Variants in FAM178B observed in about 807,000 individuals in gnomAD.
FAM178B encodes protein FAM178B.
FAM178B carries 82 observed loss-of-function variants against 91.7 expected under a neutral mutation model. That is an observed-to-expected ratio of 0.89 (90% CI 0.75 to 1.07). FAM178B has a LOEUF of 1.07. Ranked by LOEUF, FAM178B falls within the 50% of genes least tolerant of loss-of-function variation. The pLI is 0.00. For missense variants in FAM178B, 769 were observed against 846.7 expected, an observed-to-expected ratio of 0.91 and a Z score of 1.14; for synonymous variants, 368 against 359.4, an observed-to-expected ratio of 1.02 and a Z score of -0.27.
chr2:96,983,272 C>T (rs1267733058), intron 1 of FAM178B, among the ~76,000 whole-genome samples: 1 of 152,064 alleles, frequency 6.6e-6, no homozygotes, highest in Non-Finnish European at 1.5e-5. Flanking sequence ...CATATATATA[C>T]ACATATACAT....
chr2:96,918,947 C>T (rs1170980652), intron 12 of FAM178B, among the ~76,000 whole-genome samples: 1 of 152,210 alleles, frequency 6.6e-6, no homozygotes, highest in Non-Finnish European at 1.5e-5. Context: ...CACGTACCCA[C>T]GGCTTGCTCA....
At chr2:96,876,819 G>A (rs1363533952) in intron 16 of FAM178B, among the ~76,000 whole-genome samples, 1 of 152,070 alleles carries the variant, frequency 6.6e-6, no homozygotes, top group African/African-American at 2.4e-5. Context: ...AGGACTGGGG[G>A]CTCAGGAAGG....
chr2:96,934,788 T>C (rs1165241038), intron 8 of FAM178B, among the ~76,000 whole-genome samples: 1 of 152,188 alleles, frequency 6.6e-6, no homozygotes, highest in Admixed American at 6.5e-5. Context: ...GTTTCTTCTC[T>C]ACCCTGCAGC....
chr2:96,974,210 A>G (rs2082259744), intron 1 of FAM178B, among the ~76,000 whole-genome samples: 1 of 150,816 alleles, frequency 6.6e-6, no homozygotes, highest in Admixed American at 6.6e-5. Flanking sequence ...GTGAAACCCC[A>G]TCTCCACTAA....
At chr2:96,909,517 C>T (rs1423132027) in intron 12 of FAM178B, among the ~76,000 whole-genome samples, 1 of 152,140 alleles carries the variant, frequency 6.6e-6, no homozygotes, top group Non-Finnish European at 1.5e-5. Flanking sequence ...CTTTTTGTAT[C>T]TTTTTTTGCC....
intron 7 of FAM178B, among the ~76,000 whole-genome samples, chr2:96,950,972 G>A (rs2081916513): frequency 6.6e-6 from 1 of 152,156 alleles, no homozygotes; most frequent in Non-Finnish European, 1.5e-5. Flanking sequence ...GTGATCGCTG[G>A]TGAAGAAATT....
intron 12 of FAM178B, among the ~76,000 whole-genome samples, chr2:96,919,555 C>T (rs528152319): frequency 1.1e-4 from 16 of 152,240 alleles, no homozygotes; most frequent in South Asian, 6.2e-4. Flanking sequence ...GATTTAGGGA[C>T]GAAAGGGGTA....
chr2:96,942,962 T>C (rs1480704932), intron 8 of FAM178B, among the ~76,000 whole-genome samples: 1 of 152,200 alleles, frequency 6.6e-6, no homozygotes, highest in African/African-American at 2.4e-5. Context: ...AGAACCAAGC[T>C]AGACTCCTGT....
intron 12 of FAM178B, among the ~76,000 whole-genome samples, chr2:96,909,142 CAAA>C (rs368745154): frequency 9.0e-5 from 7 of 77,394 alleles, no homozygotes; most frequent in Non-Finnish European, 1.1e-4. Flanking sequence ...GACTCTGTCT[CAAA>C]AAAAAAAAAA....
intron 14 of FAM178B, among the ~76,000 whole-genome samples, chr2:96,887,058 CA>C (rs2080542340): frequency 6.6e-6 from 1 of 151,932 alleles, no homozygotes; most frequent in Non-Finnish European, 1.5e-5. Flanking sequence ...ACTAAAAATA[CA>C]AAAAAATTAG....
At chr2:96,914,542 T>C (rs965169527) in intron 12 of FAM178B, among the ~76,000 whole-genome samples, 2 of 152,224 alleles carry the variant, frequency 1.3e-5, no homozygotes, top group African/African-American at 2.4e-5. Context: ...ATGACAGTTC[T>C]TTTATGGTTC....
chr2:96,911,298 G>A (rs1043715603), intron 12 of FAM178B, among the ~76,000 whole-genome samples: 5 of 152,184 alleles, frequency 3.3e-5, no homozygotes, highest in African/African-American at 7.2e-5. Context: ...TGCCTTGGCC[G>A]GAGCCTCGTC....
rs202100606 is a variant in FAM178B, at chr2:96,936,515, GTT to G, written c.1079-7197_1079-7196del. Among the ~76,000 whole-genome samples, 8 of 125,770 alleles carry G rather than the reference GTT, an allele frequency of 6.4e-5. No individual in the cohort carries two copies. The East Asian group carries it at 7.2e-4, about 11-fold the overall frequency. 82.5% of individuals were successfully genotyped at this position (125,770 alleles called of 152,430 possible). On this transcript the variant is annotated intron_variant, in intron 8 of 16. Coordinates refer to ENST00000490605, the MANE Select transcript of FAM178B (RefSeq NM_001122646.3). ...ACGCCCGGGTTTTTTTTTTTTGGTT[GTT>G]TTTTTTTTTTGAGACAGAGCTTTGT...
At chr2:96,961,340 TAC>T (rs1553508272) in intron 5 of FAM178B, among the ~76,000 whole-genome samples, 13 of 147,588 alleles carry the variant, frequency 8.8e-5, no homozygotes, top group African/African-American at 2.5e-4. Flanking sequence ...TGTGTGTGTG[TAC>T]ACACACACAA....
Position 96,986,295 on chromosome 2 carries a change from C to G in FAM178B, c.19G>C (p.Gly7Arg), listed in dbSNP as rs1430940683. 6 of 1,534,244 alleles carry G rather than the reference C, an allele frequency of 3.9e-6. No homozygotes were observed. The East Asian group carries it at 1.5e-4, about 37-fold the overall frequency. ...CTGAGTTGTGGAGCGAGGCCCGCAC[C>G]TGGAAGCCTTGGCCACATAGGGCGG... MWPRLP[G>R]AGLAPQLRRQ... The change falls in exon 1 of 17, where the codon GGT becomes CGT. Residue 7 changes from glycine to arginine, a missense_variant. Coordinates refer to ENST00000490605, the MANE Select transcript of FAM178B (RefSeq NM_001122646.3).
At chr2:96,913,741 A>G (rs981516938) in intron 12 of FAM178B, among the ~76,000 whole-genome samples, 1 of 152,218 alleles carries the variant, frequency 6.6e-6, no homozygotes, top group Non-Finnish European at 1.5e-5. Flanking sequence ...TCCAGAATTC[A>G]CAGGAAGATG....
chr2:96,978,276 T>A (rs1384419176), intron 1 of FAM178B, among the ~76,000 whole-genome samples: 1 of 152,154 alleles, frequency 6.6e-6, no homozygotes, highest in Non-Finnish European at 1.5e-5. Flanking sequence ...GACTTTTACA[T>A]ACACAAAATC....
intron 14 of FAM178B, among the ~76,000 whole-genome samples, chr2:96,889,877 G>A (rs761735453): frequency 1.3e-5 from 2 of 151,594 alleles, no homozygotes; most frequent in Non-Finnish European, 2.9e-5. Flanking sequence ...GATGGCTCAT[G>A]CCTGTAATCC....
intron 13 of FAM178B, among the ~76,000 whole-genome samples, chr2:96,902,175 G>A (rs1330225241): frequency 6.6e-6 from 1 of 150,802 alleles, no homozygotes; most frequent in Non-Finnish European, 1.5e-5. Context: ...GCGCGATCTT[G>A]GCTCACTGCA....
Sources: gnomAD v4.1 joint callset for allele counts (sites outside exome capture counted in the v4.1 genomes callset) on GRCh38, gnomAD v4.1.1 for gene constraint, MANE v1.5 for transcripts, NCBI Gene and HGNC (gene_info 2026-07-23, HGNC 2026-07-21) for gene names.